Variants in NCOA6 observed in about 807,000 individuals in gnomAD.
NCOA6 encodes NRC RAP250.
In NCOA6, 49 loss-of-function variants were observed where a neutral mutation model predicts 171.4. That is an observed-to-expected ratio of 0.29 (90% CI 0.23 to 0.36). NCOA6 has a LOEUF of 0.36. NCOA6 is among the 10% of genes least tolerant of loss of function. NCOA6 has a pLI of 1.00. For synonymous variants in NCOA6, 910 were observed against 927.5 expected, an observed-to-expected ratio of 0.98 and a Z score of 0.34; for missense variants, 2,248 against 2,554.5, an observed-to-expected ratio of 0.88 and a Z score of 2.59.
chr20:34,749,370 A>C lies in NCOA6; in HGVS notation c.2792+33T>G, dbSNP rs770232247. ...AAGTTATCCACACAGAAAACAAATG[A>C]ATAAAATTTGAGGCAAAACCATCAC... On this transcript the variant is annotated intron_variant, in intron 9 of 14. Coordinates refer to ENST00000359003, the MANE Select transcript of NCOA6 (RefSeq NM_014071.5). 11 of 1,555,684 alleles carry C rather than the reference A, an allele frequency of 7.1e-6. No individual in the cohort carries two copies. The South Asian group carries it at 1.2e-4, about 17-fold the overall frequency.
chr20:34,767,324 TCTCA>T (rs769919338), intron 5 of NCOA6, among the ~76,000 whole-genome samples: 1 of 151,950 alleles, frequency 6.6e-6, no homozygotes, highest in Non-Finnish European at 1.5e-5. Context: ...TGAGATAGAG[TCTCA>T]CTCTGTTGCC....
chr20:34,793,632 T>A (rs934571624), intron 1 of NCOA6, among the ~76,000 whole-genome samples: 5 of 150,710 alleles, frequency 3.3e-5, no homozygotes, highest in African/African-American at 4.9e-5. Context: ...CTAAAAAAAA[T>A]AATAATAAAG....
chr20:34,804,231 G>A (rs1228428850), intron 1 of NCOA6, among the ~76,000 whole-genome samples: 1 of 151,786 alleles, frequency 6.6e-6, no homozygotes, highest in East Asian at 1.9e-4. Context: ...CAGCTATTCA[G>A]GAGGCTAAGG....
chr20:34,804,569 A>T (rs960386746), intron 1 of NCOA6, among the ~76,000 whole-genome samples: 10 of 152,020 alleles, frequency 6.6e-5, no homozygotes, highest in Non-Finnish European at 1.3e-4. Flanking sequence ...GAAGTGGTTA[A>T]ACAATTTAAA....
chr20:34,783,238 C>T (rs983393250), intron 2 of NCOA6, among the ~76,000 whole-genome samples: 3 of 151,648 alleles, frequency 2.0e-5, no homozygotes, highest in East Asian at 3.9e-4. Context: ...GCCGAGGTTG[C>T]GTCACTGCAC....
At chr20:34,816,881 G>A (rs867279335) in intron 1 of NCOA6, among the ~76,000 whole-genome samples, 21 of 151,644 alleles carry the variant, frequency 1.4e-4, no homozygotes, top group Non-Finnish European at 2.4e-4. Flanking sequence ...AGCACTTTGG[G>A]AGGCCGAGGC....
At position 34,741,823 on chromosome 20, in the gene NCOA6, T is replaced by G. The variant is rs764547545; in HGVS notation, c.4433A>C (p.Asn1478Thr). ...NKLPSVEENK[N>T]LVSPAMREAP... ...TTCCCTCATAGCAGGAGACACCAAA[T>G]TTTTGTTCTCTTCGACACTGGGAAG... Residue 1478 changes from asparagine (N) to threonine (T), a missense_variant, in exon 11 of 15, where the codon AAT becomes ACT. Physicochemically the swap from Asn to Thr is moderately conservative, Grantham distance 65 (BLOSUM62 0). Coordinates refer to ENST00000359003, the MANE Select transcript of NCOA6 (RefSeq NM_014071.5). 33 of 1,614,060 alleles carry G rather than the reference T, an allele frequency of 2.0e-5. No homozygotes were observed. Among genetic ancestry groups the G allele is most frequent in the Non-Finnish European group, 2.1e-5 (25 of 1,180,030 alleles).
intron 1 of NCOA6, chr20:34,821,613 A>C (rs1339615330): frequency 6.9e-6 from 1 of 145,626 alleles, no homozygotes; most frequent in Non-Finnish European, 1.5e-5. Context: ...TTTGAGACGG[A>C]GTCACGCTCT....
intron 4 of NCOA6, among the ~76,000 whole-genome samples, chr20:34,770,700 G>C (rs1034650701): frequency 6.6e-6 from 1 of 151,244 alleles, no homozygotes; most frequent in South Asian, 2.1e-4. Flanking sequence ...GCGCGATCTC[G>C]GATCACTGTA....
intron 1 of NCOA6, among the ~76,000 whole-genome samples, chr20:34,808,771 A>T (rs1163675505): frequency 6.6e-6 from 1 of 152,138 alleles, no homozygotes; most frequent in Non-Finnish European, 1.5e-5. Context: ...GAGATCTTTT[A>T]AAAATTCCAA....
intron 8 of NCOA6, among the ~76,000 whole-genome samples, chr20:34,752,511 TAACA>T (rs1050670514): frequency 3.9e-5 from 6 of 152,194 alleles, no homozygotes; most frequent in South Asian, 4.2e-4. Flanking sequence ...GAGACACAAC[TAACA>T]AACAGACAAG....
intron 7 of NCOA6, among the ~76,000 whole-genome samples, chr20:34,755,815 A>G (rs1418091557): frequency 6.6e-6 from 1 of 152,148 alleles, no homozygotes; most frequent in East Asian, 1.9e-4. Flanking sequence ...AGCGCACTGC[A>G]ACCTCCTCCT....
chr20:34,726,135 T>A (rs2147005726), intron 14 of NCOA6, among the ~76,000 whole-genome samples: 1 of 152,140 alleles, frequency 6.6e-6, no homozygotes, highest in East Asian at 1.9e-4. Flanking sequence ...GAAAAGTTAA[T>A]TTAAAAAGGA....
At chr20:34,799,541 A>G (rs1420045192) in intron 1 of NCOA6, among the ~76,000 whole-genome samples, 2 of 152,208 alleles carry the variant, frequency 1.3e-5, no homozygotes, top group African/African-American at 4.8e-5. Flanking sequence ...ACATTTAATA[A>G]CCAAACTCCC....
chr20:34,811,823 T>C (rs1414195230), intron 1 of NCOA6, among the ~76,000 whole-genome samples: 1 of 152,268 alleles, frequency 6.6e-6, no homozygotes, highest in Non-Finnish European at 1.5e-5. Flanking sequence ...TGTTTCAGGA[T>C]AACTTATAAG....
chr20:34,792,973 G>A (rs1415154317), intron 1 of NCOA6, among the ~76,000 whole-genome samples: 1 of 151,676 alleles, frequency 6.6e-6, no homozygotes, highest in Non-Finnish European at 1.5e-5. Flanking sequence ...GGTAGAGATG[G>A]GGTTTCACCA....
chr20:34,715,187 TG>T lies in NCOA6; in HGVS notation c.*134del. On this transcript the variant is annotated 3_prime_UTR_variant, in exon 15 of 15. Transcript: ENST00000359003. ...CCCCATTGCACTTTATGAAACAGGT[TG>T]CAGGGACTAGGAAAAGGGCCACATT... is the stretch of plus-strand genomic sequence containing the variant. The T allele has an allele frequency of 8.8e-7, 1 of 1,141,680 alleles. No individual in the cohort carries two copies. Among genetic ancestry groups the T allele is most frequent in the Non-Finnish European group, 1.3e-6 (1 of 780,750 alleles). The allele number at this position is 1,141,680 out of a possible 1,614,324, so 70.7% of individuals were successfully genotyped here.
chr20:34,715,383 G>C lies in NCOA6; in HGVS notation c.6149-18C>G. 1 of 1,590,358 alleles carries C rather than the reference G, an allele frequency of 6.3e-7. No individual in the cohort carries two copies. The highest frequency in any genetic ancestry group is 1.1e-5 in the South Asian group (1 of 90,604). On this transcript the variant is annotated intron_variant, in intron 14 of 14. Transcript: ENST00000359003. ...GGTTATGTCTGTGGGGGAAAGAAAG[G>C]ACATGTTCAGTGGAAGTAACTCTTT...
At chr20:34,727,546 G>T in intron 13 of NCOA6, 139 bp from the exon 14 acceptor site, 1 of 855,826 alleles carries the variant, frequency 1.2e-6, no homozygotes. Context: ...AGTTCAACCT[G>T]GGGTAATAAG....
Sources: allele counts gnomAD v4.1 joint callset (sites outside exome capture counted in the v4.1 genomes callset), GRCh38; gene constraint gnomAD v4.1.1; transcripts MANE v1.5; gene names NCBI Gene and HGNC (gene_info 2026-07-23, HGNC 2026-07-21).